Variants in KRR1 observed in about 807,000 individuals in gnomAD.
The protein encoded by KRR1 is KRR1 small subunit processome component homolog.
In KRR1, 23 loss-of-function variants were observed where a neutral mutation model predicts 50.0. That is an observed-to-expected ratio of 0.46 (90% CI 0.33 to 0.65). The LOEUF (loss-of-function observed/expected upper bound fraction) is 0.65, where lower values mean the gene tolerates loss of function less well. KRR1 is among the 30% of genes least tolerant of loss of function. The probability of loss-of-function intolerance (pLI) is 0.02; values close to 1 mark genes in which losing one functional copy is unlikely to be tolerated. For missense variants in KRR1, 419 were observed against 442.4 expected, an observed-to-expected ratio of 0.95 and a Z score of 0.47; for synonymous variants, 133 against 146.3, an observed-to-expected ratio of 0.91 and a Z score of 0.66.
Position 75,492,031 on chromosome 12 carries a change from G to C in KRR1, c.*7778C>G, listed in dbSNP as rs961050013. ...AATATCTTAAGAGTTGGAAAATAAA[G>C]AAAACCCAGAAAAAACTAGACAAAG... On this transcript the variant is annotated 3_prime_UTR_variant, in exon 10 of 10. Transcript: ENST00000229214. The C allele has an allele frequency of 1.3e-5, 2 of 149,250 alleles. No individual in the cohort carries two copies. The highest frequency in any genetic ancestry group is 4.9e-5 in the African/African-American group (2 of 40,632). The allele number at this position is 149,250 out of a possible 1,614,324, so 9.2% of individuals were successfully genotyped here.
At chr12:75,505,883 C>A (rs1335878124) in intron 5 of KRR1, among the ~76,000 whole-genome samples, 1 of 152,064 alleles carries the variant, frequency 6.6e-6, no homozygotes, top group Non-Finnish European at 1.5e-5. Flanking sequence ...TACTAAAATT[C>A]AAACAAAAGA....
rs1385926695 is a variant in KRR1, at chr12:75,509,589, T to TC, written c.86-1144_86-1143insG. On this transcript the variant is annotated intron_variant, in intron 1 of 9. Transcript: ENST00000229214. ...TACTTATATACTATACACATTTCTT[T>TC]TTTTTTTTTTTTTTTTAAAGACAGG... is the stretch of plus-strand genomic sequence containing the variant. 1.3e-3 allele frequency among the ~76,000 whole-genome samples: 197 copies of TC among 149,418 alleles called. 1 individual carries two copies. Among genetic ancestry groups the TC allele is most frequent in the African/African-American group, 4.2e-3 (171 of 40,876 alleles).
rs748619176 is a variant in KRR1, at chr12:75,505,230, T to C, written c.628A>G (p.Met210Val). 1.9e-6 allele frequency: 3 copies of C among 1,573,058 alleles called. No homozygotes were observed. The highest frequency in any genetic ancestry group is 2.3e-5 in the East Asian group (1 of 44,034). The change falls in exon 6 of 10, where the codon ATG becomes GTG. Residue 210 changes from methionine (M) to valine (V), a missense_variant. Transcript: ENST00000229214. Reference sequence around the variant, plus strand: ...TTATAAATTGGATGAATATTCTTCATAGTATCAAGGACTACTTTTCTAACC... The same window carrying C: ...TTATAAATTGGATGAATATTCTTCACAGTATCAAGGACTACTTTTCTAACC... ...KEVRKVVLDT[M>V]KNIHPIYNIK...
rs1195650840 is a variant in KRR1 at position 75,508,270 on chromosome 12, A to G, written c.258+4T>C. 6.3e-7 allele frequency: 1 copy of G among 1,597,524 alleles called. No homozygotes were observed. The highest frequency in any genetic ancestry group is 1.3e-5 in the African/African-American group (1 of 74,290). On this transcript the variant is annotated splice_donor_region_variant and intron_variant, in intron 2 of 9. Transcript: ENST00000229214. The stretch of plus-strand genomic sequence containing the variant: ...ATAAATGTATTGATATAAGATACAC[A>G]TACATGTTCATTTAAGGCTTTCTGC...
At position 75,492,636 on chromosome 12, in the gene KRR1, CTT is replaced by C. The variant is rs2046329836; in HGVS notation, c.*7171_*7172del. The C allele has an allele frequency of 6.6e-6, 1 of 152,130 alleles. No homozygotes were observed. Among genetic ancestry groups the C allele is most frequent in the Admixed American group, 6.5e-5 (1 of 15,280 alleles). 9.4% of individuals were successfully genotyped at this position (152,130 alleles called of 1,614,324 possible). A position where few individuals can be genotyped will look rare whatever the true frequency, so the allele number is the denominator to read the frequency against. Reference sequence around the variant, plus strand: ...TGTAAATTTTCCTGGTTTAGACTCACTTATCTTCAGAGTTATAAACAATATTA... The same window carrying C: ...TGTAAATTTTCCTGGTTTAGACTCACATCTTCAGAGTTATAAACAATATTA... On this transcript the variant is annotated 3_prime_UTR_variant, in exon 10 of 10. Transcript: ENST00000229214.
intron 7 of KRR1, 163 bp from the exon 8 acceptor site, chr12:75,502,163 A>G (rs1296958277): frequency 1.7e-6 from 1 of 597,082 alleles, no homozygotes; most frequent in Non-Finnish European, 2.9e-6. Context: ...TGAGGGGAAT[A>G]CATACACAAA....
Position 75,498,028 on chromosome 12 carries a change from A to G in KRR1, c.*1781T>C, listed in dbSNP as rs2046362308. On this transcript the variant is annotated 3_prime_UTR_variant, in exon 10 of 10. Coordinates refer to ENST00000229214, the MANE Select transcript of KRR1 (RefSeq NM_007043.7). Reference sequence around the variant, plus strand: ...ATGAAGACCAGGGATGCTCACCAGTACCCAGAGGACCAGATGATTGATGGG... The same window carrying G: ...ATGAAGACCAGGGATGCTCACCAGTGCCCAGAGGACCAGATGATTGATGGG... 6.6e-6 allele frequency: 1 copy of G among 152,272 alleles called. No individual in the cohort carries two copies. The allele number at this position is 152,272 out of a possible 1,614,324, so 9.4% of individuals were successfully genotyped here.
At chr12:75,501,652 G>GATTC in intron 9 of KRR1, 71 bp downstream of exon 9, 1 of 1,000,644 alleles carries the variant, frequency 1.0e-6, no homozygotes, top group East Asian at 2.5e-5. Flanking sequence ...TTCTTAAAAA[G>GATTC]ATTCAGACAA....
In KRR1 at chr12:75,497,662, A is replaced by T. The variant is rs1344418481; in HGVS notation, c.*2147T>A. ...GGTTAGAGGATAAAAGCTTTTATTT[A>T]ACAGATTCCTTCTCAGACAAATTAT... On this transcript the variant is annotated 3_prime_UTR_variant, in exon 10 of 10. Transcript: ENST00000229214. 6.6e-6 allele frequency: 1 copy of T among 152,214 alleles called. No homozygotes were observed. The highest frequency in any genetic ancestry group is 1.5e-5 in the Non-Finnish European group (1 of 68,034). 9.4% of individuals were successfully genotyped at this position (152,214 alleles called of 1,614,324 possible).
At chr12:75,510,585 A>G (rs1462138830) in intron 1 of KRR1, among the ~76,000 whole-genome samples, 1 of 152,200 alleles carries the variant, frequency 6.6e-6, no homozygotes, top group Non-Finnish European at 1.5e-5. Context: ...AAGCCACTTC[A>G]TGACTACAAG....
rs1478356734 is a variant in KRR1 at position 75,506,453 on chromosome 12, A to C, written c.519+31T>G. ...TTACTCTGAAAAAGTATTAAGGAAG[A>C]GACTCAAGTTTTCCACTAATTAAAA... On this transcript the variant is annotated intron_variant, in intron 4 of 9. Transcript: ENST00000229214. 1.3e-5 allele frequency: 21 copies of C among 1,605,060 alleles called. No individual in the cohort carries two copies. In the South Asian group the frequency reaches 2.2e-4, roughly 17 times the overall value.
At position 75,497,376 on chromosome 12, in the gene KRR1, T is replaced by A. The variant is rs779453885; in HGVS notation, c.*2433A>T. The A allele has an allele frequency of 3.3e-5, 5 of 152,178 alleles. No homozygotes were observed. Among genetic ancestry groups the A allele is most frequent in the Non-Finnish European group, 7.3e-5 (5 of 68,032 alleles). The allele number at this position is 152,178 out of a possible 1,614,324, so 9.4% of individuals were successfully genotyped here. A position where few individuals can be genotyped will look rare whatever the true frequency, so the allele number is the denominator to read the frequency against. On this transcript the variant is annotated 3_prime_UTR_variant, in exon 10 of 10. Coordinates refer to ENST00000229214, the MANE Select transcript of KRR1 (RefSeq NM_007043.7). Reference sequence around the variant, plus strand: ...CCAATAATGAAAACCCTTGGACTCTTGAGAAAACACATGCTAACTTGTATT... The same window carrying A: ...CCAATAATGAAAACCCTTGGACTCTAGAGAAAACACATGCTAACTTGTATT...
chr12:75,507,554 CA>C (rs371486142), intron 2 of KRR1, among the ~76,000 whole-genome samples: 24 of 148,534 alleles, frequency 1.6e-4, no homozygotes, highest in Admixed American at 4.0e-4. Context: ...TATGAGTTTA[CA>C]AAAAAAAAAT....
At position 75,495,615 on chromosome 12, in the gene KRR1, C is replaced by T. The variant is rs2046345645; in HGVS notation, c.*4194G>A. 1.9e-6 allele frequency: 3 copies of T among 1,611,532 alleles called. No individual in the cohort carries two copies. In the East Asian group the frequency reaches 6.7e-5, roughly 36 times the overall value. On this transcript the variant is annotated 3_prime_UTR_variant, in exon 10 of 10. Coordinates refer to ENST00000229214, the MANE Select transcript of KRR1 (RefSeq NM_007043.7). The stretch of plus-strand genomic sequence containing the variant: ...ACTTGGCCATATAAGAGAGGAGCCA[C>T]CTGCAGTGCCTGCCCCAATAATGAC...
Position 75,498,953 on chromosome 12 carries a change from A to G in KRR1, c.*856T>C, listed in dbSNP as rs2120579108. 6.2e-7 allele frequency: 1 copy of G among 1,601,804 alleles called. No homozygotes were observed. Among genetic ancestry groups the G allele is most frequent in the Non-Finnish European group, 8.5e-7 (1 of 1,175,350 alleles). ...ATTACCATTTTGGTACAGCACAAGT[A>G]CCCTAATTTAGTTCTTTTGGACTAA... On this transcript the variant is annotated 3_prime_UTR_variant, in exon 10 of 10. Transcript: ENST00000229214.
chr12:75,506,628 AAAAAAG>A lies in KRR1; in HGVS notation c.394-25_394-20del. On this transcript the variant is annotated intron_variant, in intron 3 of 9. Transcript: ENST00000229214. ...GTACTGCCTTTTGCAAAAAAAAAAAAAAAAAGAAGACATTATCAACATTTTTTACAA... is the reference window on the plus strand; with the variant it reads ...GTACTGCCTTTTGCAAAAAAAAAAAAAAGACATTATCAACATTTTTTACAA... 6.4e-7 allele frequency: 1 copy of A among 1,553,290 alleles called. No homozygotes were observed. Among genetic ancestry groups the A allele is most frequent in the East Asian group, 2.3e-5 (1 of 43,648 alleles).
At position 75,499,901 on chromosome 12, in the gene KRR1, T is replaced by G; in HGVS notation, c.1054A>C (p.Lys352Gln). ...GCTCCCAGTTTCTTATTCTTTGCTT[T>G]CTTAACCTTTTCCTTGATGCTGGCC... is the stretch of plus-strand genomic sequence containing the variant. The part of the protein sequence containing the change: ...DVASIKEKVK[K>Q]AKNKKLGALT... Residue 352 changes from lysine (K) to glutamine (Q), a missense_variant, in exon 10 of 10, where the codon AAA becomes CAA. Lys to Gln is a moderately conservative substitution (Grantham distance 53). Coordinates refer to ENST00000229214, the MANE Select transcript of KRR1 (RefSeq NM_007043.7). 6.2e-7 allele frequency: 1 copy of G among 1,610,164 alleles called. No homozygotes were observed. The highest frequency in any genetic ancestry group is 8.5e-7 in the Non-Finnish European group (1 of 1,178,346).
At chr12:75,509,016 G>A (rs565763271) in intron 1 of KRR1, among the ~76,000 whole-genome samples, 42 of 152,048 alleles carry the variant, frequency 2.8e-4, no homozygotes, top group Non-Finnish European at 3.7e-4. Context: ...GGTAGAATCT[G>A]TATTATTATT....
At chr12:75,501,512 G>T in intron 9 of KRR1, 2 of 523,228 alleles carry the variant, frequency 3.8e-6, no homozygotes, top group East Asian at 3.2e-5. Flanking sequence ...GTCAGGAGAG[G>T]ACTGTCAATC....
Sources: gnomAD v4.1 joint callset for allele counts (sites outside exome capture counted in the v4.1 genomes callset) on GRCh38, gnomAD v4.1.1 for gene constraint, MANE v1.5 for transcripts, NCBI Gene and HGNC (gene_info 2026-07-23, HGNC 2026-07-21) for gene names.